The following RBMS3 variants were observed in gnomAD, a reference collection of about 807,000 sequenced individuals.
RBMS3 encodes the protein RNA binding motif single stranded interacting protein 3, also known as RNA-binding motif, single-stranded-interacting protein 3.
Under a neutral mutation model 66.8 loss-of-function variants are expected in RBMS3, and 27 were observed. The observed-to-expected ratio is 0.40, with a 90% CI of 0.30 to 0.56. The LOEUF (loss-of-function observed/expected upper bound fraction) is 0.56. RBMS3 is among the 20% of genes least tolerant of loss of function. RBMS3 has a pLI of 0.40. For synonymous variants in RBMS3, 188 were observed against 183.0 expected (o/e 1.03, Z -0.22); for missense variants, 513 against 549.5 (o/e 0.93, Z 0.66).
chr3:29,632,776 G>GT (rs921119679), intron 4 of RBMS3, among the ~76,000 whole-genome samples: 6 of 151,852 alleles, frequency 4.0e-5, no homozygotes, highest in Non-Finnish European at 7.4e-5. Context: ...GGATCTTTGT[G>GT]TTTTTTCTTC....
chr3:29,562,855 T>TA (rs2046605408), intron 3 of RBMS3, among the ~76,000 whole-genome samples: 1 of 152,196 alleles, frequency 6.6e-6, no homozygotes, highest in African/African-American at 2.4e-5. Flanking sequence ...TTATTGTGTG[T>TA]TAAAAATATA....
intron 4 of RBMS3, among the ~76,000 whole-genome samples, chr3:29,717,928 A>G (rs1440877990): frequency 6.6e-6 from 1 of 152,164 alleles, no homozygotes; most frequent in Non-Finnish European, 1.5e-5. Context: ...CATAAAGATC[A>G]TGAATGCCCA....
chr3:29,547,096 C>T (rs988144158), intron 3 of RBMS3, among the ~76,000 whole-genome samples: 1 of 152,120 alleles, frequency 6.6e-6, no homozygotes, highest in Admixed American at 6.5e-5. Flanking sequence ...CCATCTCAGC[C>T]TTTCAAGTAG....
chr3:29,903,175 G>C (rs1052341044), intron 10 of RBMS3: 1 of 151,528 alleles, frequency 6.6e-6, no homozygotes, highest in African/African-American at 2.4e-5. Context: ...TCTTTGCATG[G>C]ATTATAATTC....
rs184871566 is a variant in RBMS3, at chr3:29,791,243, C to T, written c.637+28254C>T. 7.9e-5 allele frequency among the ~76,000 whole-genome samples: 12 copies of T among 152,252 alleles called. No individual in the cohort carries two copies. The East Asian group carries it at 2.3e-3, about 29-fold the overall frequency. ...AATACTGCCTTGTAGAAATGCATTTCCATTTCCTGCATTGATCTCATCTTA... is the reference window on the plus strand; with the variant it reads ...AATACTGCCTTGTAGAAATGCATTTTCATTTCCTGCATTGATCTCATCTTA... On this transcript the variant is annotated intron_variant, in intron 6 of 14. Coordinates refer to ENST00000383767, the MANE Select transcript of RBMS3 (RefSeq NM_001003793.3).
intron 6 of RBMS3, among the ~76,000 whole-genome samples, chr3:29,854,764 A>G (rs562055529): frequency 9.5e-4 from 145 of 152,304 alleles, no homozygotes; most frequent in Non-Finnish European, 1.6e-3. Context: ...AATGTAGCAT[A>G]TTTAGGTCCT....
At chr3:29,351,879 A>T (rs752340663) in intron 1 of RBMS3, among the ~76,000 whole-genome samples, 1 of 152,032 alleles carries the variant, frequency 6.6e-6, no homozygotes, top group Non-Finnish European at 1.5e-5. Flanking sequence ...GATGGAATAC[A>T]CATGTACGTG....
intron 12 of RBMS3, among the ~76,000 whole-genome samples, chr3:29,982,532 TG>T (rs773078657): frequency 1.3e-5 from 2 of 152,212 alleles, no homozygotes; most frequent in Non-Finnish European, 2.9e-5. Flanking sequence ...AGATCTTTCC[TG>T]CTTTCTCCAG....
chr3:29,651,753 G>C (rs1457642), intron 4 of RBMS3, among the ~76,000 whole-genome samples: 1 of 151,862 alleles, frequency 6.6e-6, no homozygotes. Flanking sequence ...GTTTCTCCCA[G>C]AGCAAATAGC....
At chr3:29,282,509 G>T (rs1395829744) in intron 1 of RBMS3, among the ~76,000 whole-genome samples, 1 of 152,050 alleles carries the variant, frequency 6.6e-6, no homozygotes, top group Non-Finnish European at 1.5e-5. Context: ...ACCATTAGGG[G>T]CCCAGAGGCA....
intron 2 of RBMS3, among the ~76,000 whole-genome samples, chr3:29,483,419 C>T (rs1463207229): frequency 1.3e-5 from 2 of 152,084 alleles, no homozygotes; most frequent in Non-Finnish European, 2.9e-5. Context: ...TCTTTTGGAG[C>T]AGTGGTTCTC....
intron 3 of RBMS3, among the ~76,000 whole-genome samples, chr3:29,496,237 A>T (rs1290664952): frequency 6.6e-6 from 1 of 151,504 alleles, no homozygotes; most frequent in African/African-American, 2.4e-5. Flanking sequence ...GACAAAAAAA[A>T]GTTATATTTT....
chr3:29,979,407 T>G (rs144310100), intron 12 of RBMS3, among the ~76,000 whole-genome samples: 149 of 152,282 alleles, frequency 9.8e-4, no homozygotes, highest in African/African-American at 3.5e-3. Flanking sequence ...CAGATGGAGT[T>G]TTAAATAAGT....
intron 6 of RBMS3, among the ~76,000 whole-genome samples, chr3:29,841,875 T>C (rs956650745): frequency 3.9e-5 from 6 of 152,046 alleles, no homozygotes; most frequent in African/African-American, 1.4e-4. Context: ...TCCATTTTCT[T>C]GTTAGGAAGA....
intron 6 of RBMS3, among the ~76,000 whole-genome samples, chr3:29,807,327 A>G (rs2057587180): frequency 6.6e-6 from 1 of 151,968 alleles, no homozygotes; most frequent in Non-Finnish European, 1.5e-5. Flanking sequence ...TGAAGCAGAA[A>G]TTCTCATACA....
intron 4 of RBMS3, among the ~76,000 whole-genome samples, chr3:29,626,036 A>G (rs1164696315): frequency 2.0e-5 from 3 of 152,228 alleles, no homozygotes; most frequent in Admixed American, 6.5e-5. Flanking sequence ...CTTTAAAAAT[A>G]TAACAGTGTG....
At chr3:29,282,797 G>T (rs80043537) in intron 1 of RBMS3, among the ~76,000 whole-genome samples, 1 of 152,072 alleles carries the variant, frequency 6.6e-6, no homozygotes, top group East Asian at 1.9e-4. Context: ...ACCAGGACTC[G>T]GTGATGTGAT....
intron 6 of RBMS3, among the ~76,000 whole-genome samples, chr3:29,773,174 C>G (rs1210529986): frequency 1.3e-5 from 2 of 151,912 alleles, no homozygotes; most frequent in Non-Finnish European, 2.9e-5. Context: ...GATTATATCT[C>G]AAGCATAGAC....
chr3:29,726,158 C>T (rs944684471), intron 4 of RBMS3, among the ~76,000 whole-genome samples: 2 of 152,066 alleles, frequency 1.3e-5, no homozygotes, highest in African/African-American at 4.8e-5. Context: ...AAATTCAACA[C>T]CCCTTCATGC....
Sources: gnomAD v4.1 joint callset for allele counts (sites outside exome capture counted in the v4.1 genomes callset) on GRCh38, gnomAD v4.1.1 for gene constraint, MANE v1.5 for transcripts, NCBI Gene and HGNC (gene_info 2026-07-23, HGNC 2026-07-21) for gene names.